Variants in BAIAP2L1 observed in about 807,000 individuals in gnomAD.
BAIAP2L1 encodes BAR/IMD domain-containing adapter protein 2-like 1.
A neutral mutation model predicts 66.3 loss-of-function variants in BAIAP2L1; 35 were observed. That is an observed-to-expected ratio of 0.53 (90% confidence interval 0.40 to 0.70). The LOEUF (loss-of-function observed/expected upper bound fraction) is 0.70. Among genes scored for constraint, BAIAP2L1 ranks in the 30% least tolerant of loss-of-function variants. The probability of loss-of-function intolerance (pLI) is 0.00; values close to 1 mark genes in which losing one functional copy is unlikely to be tolerated. For missense variants in BAIAP2L1, 622 were observed against 656.9 expected (o/e 0.95, Z 0.58); for synonymous variants, 269 against 248.7 (o/e 1.08, Z -0.77).
intron 1 of BAIAP2L1, among the ~76,000 whole-genome samples, chr7:98,386,988 C>T (rs950523077): frequency 4.6e-5 from 7 of 152,064 alleles, no homozygotes; most frequent in South Asian, 2.1e-4. Flanking sequence ...CGTGAGCCAC[C>T]GTGCCTGGCC....
At chr7:98,307,372 C>T (rs1800698252) in intron 10 of BAIAP2L1, 2 of 1,162,236 alleles carry the variant, frequency 1.7e-6, no homozygotes, top group Admixed American at 8.3e-5. Context: ...TCCCAAAGTG[C>T]TGGGATTACA....
intron 10 of BAIAP2L1, chr7:98,307,388 G>A (rs1800698802): frequency 1.3e-5 from 16 of 1,200,074 alleles, no homozygotes; most frequent in African/African-American, 1.6e-5. Context: ...TTACAAGCAT[G>A]AGCCACTGCA....
intron 3 of BAIAP2L1, among the ~76,000 whole-genome samples, chr7:98,345,868 C>A (rs1243174717): frequency 2.6e-5 from 4 of 151,726 alleles, no homozygotes; most frequent in Non-Finnish European, 5.9e-5. Context: ...AAATGAGAGC[C>A]CACTTCACAC....
At chr7:98,294,969 G>T (rs532340292) in intron 12 of BAIAP2L1, among the ~76,000 whole-genome samples, 3 of 152,200 alleles carry the variant, frequency 2.0e-5, no homozygotes, top group African/African-American at 7.2e-5. Context: ...TTTCCTGCCT[G>T]CACACAGGGA....
rs1799979042 is a variant in BAIAP2L1, at chr7:98,292,026, G to C, written c.*1495C>G. The C allele has an allele frequency of 6.5e-6, 1 of 153,462 alleles. No individual in the cohort carries two copies. Among genetic ancestry groups the C allele is most frequent in the Non-Finnish European group, 1.5e-5 (1 of 68,928 alleles). The allele number at this position is 153,462 out of a possible 1,614,324, so 9.5% of individuals were successfully genotyped here. On this transcript the variant is annotated 3_prime_UTR_variant, in exon 14 of 14. Coordinates refer to ENST00000005260, the MANE Select transcript of BAIAP2L1 (RefSeq NM_018842.5). ...AGTACAGACTGGGGTTGTTAACATA[G>C]TTCATGGTGCCTGCAGCCCCTTCAT...
intron 2 of BAIAP2L1, 43 bp downstream of exon 2, chr7:98,362,314 C>G: frequency 7.2e-7 from 1 of 1,395,446 alleles, no homozygotes; most frequent in South Asian, 1.2e-5. Flanking sequence ...TACATATTTA[C>G]TGAGTGGCTT....
chr7:98,377,750 C>T (rs746439166), intron 1 of BAIAP2L1, among the ~76,000 whole-genome samples: 11 of 136,718 alleles, frequency 8.0e-5, no homozygotes, highest in Non-Finnish European at 1.4e-4. Context: ...CTTCAGGAGG[C>T]AGAGGCTGCA....
chr7:98,353,355 T>TTA (rs1562781397), intron 3 of BAIAP2L1, among the ~76,000 whole-genome samples: 2 of 138,566 alleles, frequency 1.4e-5, no homozygotes, highest in African/African-American at 5.3e-5. Context: ...ATTTATATAT[T>TTA]TATATATATA....
chr7:98,319,383 C>T (rs186238881), intron 5 of BAIAP2L1, among the ~76,000 whole-genome samples: 52 of 152,292 alleles, frequency 3.4e-4, no homozygotes, highest in African/African-American at 1.1e-3. Context: ...CCGGACGGTG[C>T]TCTCCCGCAC....
chr7:98,362,886 T>C (rs896662217), intron 1 of BAIAP2L1, among the ~76,000 whole-genome samples: 4 of 152,136 alleles, frequency 2.6e-5, no homozygotes, highest in African/African-American at 7.2e-5. Flanking sequence ...AATAGAAATT[T>C]CCAGGAGATT....
At chr7:98,347,326 C>T (rs376135393) in intron 3 of BAIAP2L1, among the ~76,000 whole-genome samples, 25 of 152,218 alleles carry the variant, frequency 1.6e-4, no homozygotes, top group African/African-American at 5.8e-4. Flanking sequence ...ACAGTGAGTG[C>T]GTTTTTAACA....
At chr7:98,334,018 CAT>C (rs1178942969) in intron 3 of BAIAP2L1, among the ~76,000 whole-genome samples, 2 of 152,106 alleles carry the variant, frequency 1.3e-5, no homozygotes, top group East Asian at 1.9e-4. Context: ...TTAAAAAACA[CAT>C]AAAGTATATT....
At chr7:98,357,041 ATATATATATTTTTTTTT>A (rs1802147886) in intron 2 of BAIAP2L1, among the ~76,000 whole-genome samples, 1 of 17,608 alleles carries the variant, frequency 5.7e-5, no homozygotes, top group African/African-American at 2.1e-4. Flanking sequence ...ATATATATAT[ATATATATATTTTTTTTT>A]TTTTTTTTTT....
chr7:98,293,956 C>T, intron 13 of BAIAP2L1, 118 bp downstream of exon 13: 1 of 1,209,752 alleles, frequency 8.3e-7, no homozygotes, highest in Non-Finnish European at 1.2e-6. Context: ...CATGGCTCCA[C>T]AGGCCGAGGC....
In BAIAP2L1 at chr7:98,346,994, A is replaced by AAAC. The variant is rs71515213; in HGVS notation, c.214+8045_214+8047dup. On this transcript the variant is annotated intron_variant, in intron 3 of 13. Coordinates refer to ENST00000005260, the MANE Select transcript of BAIAP2L1 (RefSeq NM_018842.5). Reference sequence around the variant, plus strand: ...TGTTTCAGGGAAAGCGATGCCAGCAAAACAACAACAACAACAACAACAACA... The same window carrying AAAC: ...TGTTTCAGGGAAAGCGATGCCAGCAAAACAACAACAACAACAACAACAACAACA... Among the ~76,000 whole-genome samples, 658 of 151,232 alleles carry AAAC rather than the reference A, an allele frequency of 4.4e-3. 4 individuals are homozygous for AAAC. The highest frequency in any genetic ancestry group is 0.026 in the South Asian group (127 of 4,806).
At chr7:98,329,939 G>A (rs139974550) in intron 3 of BAIAP2L1, among the ~76,000 whole-genome samples, 20 of 152,250 alleles carry the variant, frequency 1.3e-4, no homozygotes, top group South Asian at 1.0e-3. Context: ...ATTTTCTTGG[G>A]AAAACCAAAG....
chr7:98,393,188 T>G, intron 1 of BAIAP2L1, among the ~76,000 whole-genome samples: 1 of 121,318 alleles, frequency 8.2e-6, no homozygotes, highest in Non-Finnish European at 2.0e-5. Context: ...CATATATGTG[T>G]GTGTTTATAT....
intron 1 of BAIAP2L1, chr7:98,400,429 A>C: frequency 1.1e-5 from 2 of 184,366 alleles, no homozygotes; most frequent in Admixed American, 1.0e-4. Flanking sequence ...GGGAGAAGGA[A>C]GAACCAGGAG....
chr7:98,333,838 C>T (rs1470485027), intron 3 of BAIAP2L1, among the ~76,000 whole-genome samples: 1 of 151,170 alleles, frequency 6.6e-6, no homozygotes, highest in Non-Finnish European at 1.5e-5. Flanking sequence ...CCCTGGCTCA[C>T]GGCTCCACGA....
Sources: gnomAD v4.1 joint callset for allele counts (sites outside exome capture counted in the v4.1 genomes callset) on GRCh38, gnomAD v4.1.1 for gene constraint, MANE v1.5 for transcripts, NCBI Gene and HGNC (gene_info 2026-07-23, HGNC 2026-07-21) for gene names.